Variants in OLFML1 observed in about 807,000 individuals in gnomAD.
OLFML1 encodes olfactomedin-like protein 1.
In OLFML1, 33 loss-of-function variants were observed where a neutral mutation model predicts 37.3. That is an observed-to-expected ratio of 0.88 (90% CI 0.67 to 1.18). The LOEUF is 1.18. Ranked by LOEUF, OLFML1 falls within the 50% of genes most tolerant of loss-of-function variation. The probability of loss-of-function intolerance (pLI) is 0.00; values close to 1 mark genes in which losing one functional copy is unlikely to be tolerated. For synonymous variants in OLFML1, 186 were observed against 181.3 expected (o/e 1.03, Z -0.21); for missense variants, 545 against 483.7 (o/e 1.13, Z -1.19).
chr11:7,488,986 AC>A (rs1848563551), intron 2 of OLFML1: 1 of 152,258 alleles, frequency 6.6e-6, no homozygotes, highest in Non-Finnish European at 1.5e-5. Flanking sequence ...ATTATAATAA[AC>A]AGTATCAGGC....
chr11:7,499,806 T>TAGAAAAAA (rs1340478589), intron 2 of OLFML1, among the ~76,000 whole-genome samples: 1 of 152,168 alleles, frequency 6.6e-6, no homozygotes, highest in Non-Finnish European at 1.5e-5. Context: ...AAAAGAAGAG[T>TAGAAAAAA]AGAGGGAGAA....
intron 2 of OLFML1, among the ~76,000 whole-genome samples, chr11:7,493,650 T>A (rs1848628805): frequency 6.6e-6 from 1 of 152,196 alleles, no homozygotes; most frequent in African/African-American, 2.4e-5. Context: ...TGGGTCACTG[T>A]GCTGGGTTCA....
intron 2 of OLFML1, among the ~76,000 whole-genome samples, chr11:7,507,897 T>G (rs538217534): frequency 4.5e-4 from 69 of 152,358 alleles, no homozygotes; most frequent in Middle Eastern, 3.4e-3. Context: ...AGTCTGCTGT[T>G]GACCAGAAGA....
intron 2 of OLFML1, among the ~76,000 whole-genome samples, chr11:7,507,874 C>T (rs1236787809): frequency 2.0e-5 from 3 of 152,196 alleles, no homozygotes; most frequent in Non-Finnish European, 2.9e-5. Context: ...TCCTCCAAAA[C>T]TTAATTACTG....
intron 2 of OLFML1, among the ~76,000 whole-genome samples, chr11:7,508,270 C>T (rs1488981596): frequency 1.3e-5 from 2 of 152,146 alleles, no homozygotes; most frequent in African/African-American, 2.4e-5. Flanking sequence ...AAGACCGGCA[C>T]AGTTAAAGCT....
chr11:7,501,943 G>A (rs185402725), intron 2 of OLFML1, among the ~76,000 whole-genome samples: 6 of 152,226 alleles, frequency 3.9e-5, no homozygotes, highest in South Asian at 2.1e-4. Context: ...GCCTAGGAGC[G>A]GGAGAGAAGG....
rs763556674 is a variant in OLFML1 at position 7,485,912 on chromosome 11, G to A, written c.37G>A (p.Val13Ile). 10 of 1,613,766 alleles carry A rather than the reference G, an allele frequency of 6.2e-6. No individual in the cohort carries two copies. In the Middle Eastern group the frequency reaches 1.3e-3, roughly 216 times the overall value. ...VALRGASALL[V>I]LFLAAFLPPP... is the part of the protein sequence containing the mutation. Reference sequence around the variant, plus strand: ...CCTTCGAGGAGCTTCTGCATTGCTGGTTCTGTTCCTTGCAGCTTTTCTGCC... The same window carrying A: ...CCTTCGAGGAGCTTCTGCATTGCTGATTCTGTTCCTTGCAGCTTTTCTGCC... The change falls in exon 1 of 3, where the codon GTT becomes ATT. Residue 13 changes from valine (V) to isoleucine (I), a missense_variant. By Grantham distance (29) the Val-to-Ile change is conservative (BLOSUM62 3). Transcript: ENST00000329293.
chr11:7,509,372 C>A (rs766414122), intron 2 of OLFML1, 26 bp from the exon 3 acceptor site: 3 of 1,546,790 alleles, frequency 1.9e-6, no homozygotes, highest in Non-Finnish European at 2.6e-6. Flanking sequence ...ATAAAGTAAT[C>A]TCTCCTTTTT....
intron 2 of OLFML1, among the ~76,000 whole-genome samples, chr11:7,500,279 C>T (rs987038027): frequency 1.2e-4 from 18 of 152,236 alleles, no homozygotes; most frequent in African/African-American, 4.3e-4. Flanking sequence ...TGTAGCTGGG[C>T]TGCAAGCCTG....
At chr11:7,501,057 C>T (rs1428750534) in intron 2 of OLFML1, among the ~76,000 whole-genome samples, 1 of 152,094 alleles carries the variant, frequency 6.6e-6, no homozygotes, top group Non-Finnish European at 1.5e-5. Context: ...AGCCAATGGA[C>T]CTTCCCTCTT....
At chr11:7,504,031 CA>C (rs1848753763) in intron 2 of OLFML1, among the ~76,000 whole-genome samples, 1 of 152,028 alleles carries the variant, frequency 6.6e-6, no homozygotes, top group African/African-American at 2.4e-5. Flanking sequence ...AAATGTATGT[CA>C]GACAAAAGAT....
chr11:7,486,384 CTT>C (rs1193866340), intron 1 of OLFML1, among the ~76,000 whole-genome samples: 1 of 152,158 alleles, frequency 6.6e-6, no homozygotes, highest in African/African-American at 2.4e-5. Context: ...AAATATGAAA[CTT>C]AAAAATGTTG....
intron 2 of OLFML1, among the ~76,000 whole-genome samples, chr11:7,494,885 C>A (rs554542100): frequency 1.3e-5 from 2 of 152,290 alleles, no homozygotes; most frequent in Admixed American, 6.5e-5. Flanking sequence ...TTCCTACTTA[C>A]AAACAGGCTG....
At chr11:7,503,613 T>C (rs74843819) in intron 2 of OLFML1, among the ~76,000 whole-genome samples, 12,302 of 152,256 alleles carry the variant, frequency 0.081, 609 homozygotes, top group Admixed American at 0.16. Context: ...AATGCCTCTT[T>C]CAAGGAGTTT....
chr11:7,495,032 C>T (rs1195381357), intron 2 of OLFML1, among the ~76,000 whole-genome samples: 1 of 152,162 alleles, frequency 6.6e-6, no homozygotes, highest in East Asian at 1.9e-4. Flanking sequence ...GCTCAGTTAA[C>T]AGAATAGTCA....
chr11:7,509,907 A>C lies in OLFML1; in HGVS notation c.928A>C (p.Thr310Pro). 1 of 1,614,178 alleles carries C rather than the reference A, an allele frequency of 6.2e-7. No homozygotes were observed. The highest frequency in any genetic ancestry group is 8.5e-7 in the Non-Finnish European group (1 of 1,180,030). Residue 310 changes from threonine (T) to proline (P), a missense_variant, in exon 3 of 3, where the codon ACC (threonine) becomes CCC (proline). Transcript: ENST00000329293. ...GTLGVEHSWD[T>P]PCRSQDAEAS... is the part of the protein sequence containing the mutation. ...ACTGGGAGTGGAGCATTCATGGGAT[A>C]CCCCATGCAGAAGCCAGGATGCTGA...
rs1025233435 is a variant in OLFML1, at chr11:7,511,327, G to C, written c.*1139G>C. ...CTTTAAATTCAATAAAAGTGACACT[G>C]AGCAAATAACCTCATCAGGTTATAT... On this transcript the variant is annotated 3_prime_UTR_variant, in exon 3 of 3. Coordinates refer to ENST00000329293, the MANE Select transcript of OLFML1 (RefSeq NM_198474.4). 2 of 152,194 alleles carry C rather than the reference G, an allele frequency of 1.3e-5. No individual in the cohort carries two copies. Among genetic ancestry groups the C allele is most frequent in the African/African-American group, 4.8e-5 (2 of 41,440 alleles). The allele number at this position is 152,194 out of a possible 1,614,324, so 9.4% of individuals were successfully genotyped here. A position where few individuals can be genotyped will look rare whatever the true frequency, so the allele number is the denominator to read the frequency against.
chr11:7,498,333 G>C (rs1848686168), intron 2 of OLFML1, among the ~76,000 whole-genome samples: 2 of 152,206 alleles, frequency 1.3e-5, no homozygotes, highest in Non-Finnish European at 2.9e-5. Context: ...AGCTAAGGAA[G>C]TCTGAGCAAA....
At chr11:7,497,682 T>C (rs569196977) in intron 2 of OLFML1, among the ~76,000 whole-genome samples, 3 of 152,214 alleles carry the variant, frequency 2.0e-5, no homozygotes, top group Non-Finnish European at 4.4e-5. Flanking sequence ...TTTTCATAAT[T>C]TATTGCTATT....
Sources: allele counts gnomAD v4.1 joint callset (sites outside exome capture counted in the v4.1 genomes callset), GRCh38; gene constraint gnomAD v4.1.1; transcripts MANE v1.5; gene names NCBI Gene and HGNC (gene_info 2026-07-23, HGNC 2026-07-21).